The following PCDH15 variants were observed in gnomAD, a reference collection of about 807,000 sequenced individuals.
The protein encoded by PCDH15 is protocadherin related 15.
PCDH15 carries 129 observed loss-of-function variants against 178.5 expected under a neutral mutation model. The observed-to-expected ratio is 0.72, with a 90% CI of 0.63 to 0.84. PCDH15 has a LOEUF of 0.84. PCDH15 is among the 40% of genes least tolerant of loss of function. PCDH15 has a pLI of 0.00. For missense variants in PCDH15, 2,230 were observed against 2,099.9 expected, an observed-to-expected ratio of 1.06 and a Z score of -1.21; for synonymous variants, 800 against 732.0, an observed-to-expected ratio of 1.09 and a Z score of -1.50.
intron 2 of PCDH15, among the ~76,000 whole-genome samples, chr10:55,407,144 G>T (rs930313499): frequency 2.0e-5 from 3 of 151,808 alleles, no homozygotes; most frequent in Non-Finnish European, 2.9e-5. Context: ...GAAGATACAT[G>T]GATGGTTTTG....
chr10:54,585,030 C>T (rs1457197785), intron 2 of PCDH15, among the ~76,000 whole-genome samples: 1 of 152,044 alleles, frequency 6.6e-6, no homozygotes, highest in African/African-American at 2.4e-5. Context: ...CCAAATTGTA[C>T]ATATAAAGTC....
intron 26 of PCDH15, among the ~76,000 whole-genome samples, chr10:53,871,080 T>C (rs1021062880): frequency 2.6e-5 from 4 of 151,814 alleles, no homozygotes; most frequent in African/African-American, 9.7e-5. Flanking sequence ...ACACCTGTAA[T>C]CTCAGCACTT....
chr10:54,043,379 C>CTG (rs923995916), intron 18 of PCDH15, among the ~76,000 whole-genome samples: 1 of 151,176 alleles, frequency 6.6e-6, no homozygotes, highest in Admixed American at 6.6e-5. Flanking sequence ...CCTGCTCTCT[C>CTG]TCTCTCTCTT....
chr10:54,963,080 A>C (rs2131886085), intron 2 of PCDH15, among the ~76,000 whole-genome samples: 1 of 152,342 alleles, frequency 6.6e-6, no homozygotes, highest in South Asian at 2.1e-4. Flanking sequence ...GTTTTAGTTA[A>C]ATACAAGGGT....
At chr10:54,449,123 G>C (rs2076314838) in intron 3 of PCDH15, among the ~76,000 whole-genome samples, 1 of 151,634 alleles carries the variant, frequency 6.6e-6, no homozygotes, top group Admixed American at 6.6e-5. Context: ...TTGGGGCTGA[G>C]GGTAAGGGAC....
intron 26 of PCDH15, among the ~76,000 whole-genome samples, chr10:53,897,856 G>A (rs567635890): frequency 6.0e-5 from 9 of 149,972 alleles, no homozygotes; most frequent in African/African-American, 2.2e-4. Flanking sequence ...ACATGTATTA[G>A]AATTTATTTC....
chr10:54,865,833 C>A (rs1200151569), intron 3 of PCDH15, among the ~76,000 whole-genome samples: 2 of 151,936 alleles, frequency 1.3e-5, no homozygotes, highest in African/African-American at 2.4e-5. Flanking sequence ...GAGAACTTAG[C>A]TTAAGGGGAG....
chr10:55,164,367 C>T (rs563733820), intron 2 of PCDH15, among the ~76,000 whole-genome samples: 1 of 151,102 alleles, frequency 6.6e-6, no homozygotes, highest in African/African-American at 2.4e-5. Context: ...CAACTGAGAA[C>T]ATCATTAATA....
In PCDH15 at chr10:54,006,074, G is replaced by A. The variant is rs1460313774; in HGVS notation, c.2752-10309C>T. Among the ~76,000 whole-genome samples, 3 of 152,088 alleles carry A rather than the reference G, an allele frequency of 2.0e-5. No homozygotes were observed. In the South Asian group the frequency reaches 6.2e-4, roughly 32 times the overall value. On this transcript the variant is annotated intron_variant, in intron 20 of 37. Coordinates refer to ENST00000644397, the MANE Select transcript of PCDH15 (RefSeq NM_001384140.1). ...TTCTGGTGTCTCCCAGAAACCAGTG[G>A]GTGATATTTATGGAGCCATGGGAGA...
chr10:54,982,135 G>C (rs1056258682), intron 2 of PCDH15, among the ~76,000 whole-genome samples: 4 of 151,928 alleles, frequency 2.6e-5, no homozygotes, highest in African/African-American at 9.7e-5. Flanking sequence ...AAACAAAGCT[G>C]TTATAAATAA....
chr10:54,144,614 G>C lies in PCDH15; in HGVS notation c.1784+8486C>G, dbSNP rs571613534. ...ATGGACTTGAGACTGATCTCCCATC[G>C]CCTCAGCGGCAGCACCCAATTAAAG... On this transcript the variant is annotated intron_variant, in intron 14 of 37. Coordinates refer to ENST00000644397, the MANE Select transcript of PCDH15 (RefSeq NM_001384140.1). Among the ~76,000 whole-genome samples, 8 of 152,136 alleles carry C rather than the reference G, an allele frequency of 5.3e-5. No individual in the cohort carries two copies. In the East Asian group the frequency reaches 1.5e-3, roughly 29 times the overall value.
intron 14 of PCDH15, among the ~76,000 whole-genome samples, chr10:54,144,498 C>T (rs528579858): frequency 2.0e-5 from 3 of 152,230 alleles, no homozygotes; most frequent in African/African-American, 7.2e-5. Flanking sequence ...ATCATGATTG[C>T]TTTCTTGCCC....
At chr10:53,966,379 C>T (rs1449814542) in intron 21 of PCDH15, among the ~76,000 whole-genome samples, 4 of 152,108 alleles carry the variant, frequency 2.6e-5, no homozygotes, top group Non-Finnish European at 4.4e-5. Flanking sequence ...TTTTCTCTCT[C>T]TGTCCTTTCC....
chr10:55,030,351 T>C (rs1840579494), intron 2 of PCDH15, among the ~76,000 whole-genome samples: 1 of 152,168 alleles, frequency 6.6e-6, no homozygotes, highest in Admixed American at 6.5e-5. Flanking sequence ...ATCTGTCTGT[T>C]TGATTTTTCT....
At chr10:54,139,229 G>C (rs1360532821) in intron 14 of PCDH15, among the ~76,000 whole-genome samples, 1 of 151,832 alleles carries the variant, frequency 6.6e-6, no homozygotes, top group African/African-American at 2.4e-5. Flanking sequence ...GTTGATTCTT[G>C]TGAGTTAATG....
At chr10:55,083,207 A>G (rs1055766601) in intron 2 of PCDH15, among the ~76,000 whole-genome samples, 1 of 151,980 alleles carries the variant, frequency 6.6e-6, no homozygotes, top group South Asian at 2.1e-4. Context: ...ATTTATCATG[A>G]CCAAGTGGAA....
chr10:54,936,325 T>G (rs931945754), intron 2 of PCDH15, among the ~76,000 whole-genome samples: 1 of 152,062 alleles, frequency 6.6e-6, no homozygotes, highest in African/African-American at 2.4e-5. Flanking sequence ...CTATTATGAA[T>G]GACAATGCTT....
chr10:53,974,307 A>C (rs978676505), intron 21 of PCDH15, among the ~76,000 whole-genome samples: 2 of 152,108 alleles, frequency 1.3e-5, no homozygotes, highest in Admixed American at 6.6e-5. Flanking sequence ...CAACCACCAC[A>C]TCCAGCCAGA....
At chr10:54,423,969 C>T (rs1349909959) in intron 3 of PCDH15, among the ~76,000 whole-genome samples, 3 of 151,836 alleles carry the variant, frequency 2.0e-5, no homozygotes, top group Non-Finnish European at 2.9e-5. Context: ...GACTTCATGT[C>T]TAAAGCACCA....
Sources: allele counts gnomAD v4.1 joint callset (sites outside exome capture counted in the v4.1 genomes callset), GRCh38; gene constraint gnomAD v4.1.1; transcripts MANE v1.5; gene names NCBI Gene and HGNC (gene_info 2026-07-23, HGNC 2026-07-21).